The following MMEL1 variants were observed in gnomAD, a reference collection of about 807,000 sequenced individuals.
MMEL1 encodes the protein membrane metallo-endopeptidase-like 1.
In MMEL1, 98 loss-of-function variants were observed where a neutral mutation model predicts 117.1. The ratio of observed to expected loss-of-function variants is 0.84; its 90% CI spans 0.71 to 0.99. The LOEUF (loss-of-function observed/expected upper bound fraction) is 0.99, where lower values mean the gene tolerates loss of function less well. Among genes scored for constraint, MMEL1 ranks in the 50% least tolerant of loss-of-function variants. MMEL1 has a pLI of 0.00. For synonymous variants in MMEL1, 390 were observed against 415.1 expected (o/e 0.94, Z 0.74); for missense variants, 1,014 against 1,049.1 (o/e 0.97, Z 0.46).
Position 2,595,238 on chromosome 1 carries a change from G to T in MMEL1, c.1584+38C>A. The T allele has an allele frequency of 6.4e-7, 1 of 1,570,474 alleles. No individual in the cohort carries two copies. Among genetic ancestry groups the T allele is most frequent in the Non-Finnish European group, 8.8e-7 (1 of 1,142,386 alleles). On this transcript the variant is annotated intron_variant, in intron 16 of 23. Coordinates refer to ENST00000378412, the MANE Select transcript of MMEL1 (RefSeq NM_033467.4). This position sits in a 1 kb window ranked among gnomAD's most constrained non-coding sequence, Gnocchi z 4.8. Reference sequence around the variant, plus strand: ...CAGGCAATCAGGGCCCATGTCCACGGTGTGGGGGGCAGTTTAGGGCTGGGG... The same window carrying T: ...CAGGCAATCAGGGCCCATGTCCACGTTGTGGGGGGCAGTTTAGGGCTGGGG...
At chr1:2,631,291 G>A (rs1638569398) in intron 1 of MMEL1, among the ~76,000 whole-genome samples, 1 of 152,158 alleles carries the variant, frequency 6.6e-6, no homozygotes, top group Non-Finnish European at 1.5e-5. Flanking sequence ...TAATGTGGGA[G>A]CAGCGAAAGG....
chr1:2,607,055 G>A lies in MMEL1; in HGVS notation c.550C>T (p.Arg184Ter), dbSNP rs1400273287. ...ATGTCCAGCAGGGGCTGAGAGCCTC[G>A]CTTCTCTATCACACCTGAGAAGGGA... The part of the protein sequence containing the change: ...SCMNQSVIEK[R>*]GSQPLLDILE... Residue 184 changes from arginine (R) to a stop codon, truncating the protein, a stop_gained, in exon 7 of 24, where the codon CGA becomes TGA. Coordinates refer to ENST00000378412, the MANE Select transcript of MMEL1 (RefSeq NM_033467.4). LOFTEE classifies it high-confidence loss of function. 4 of 1,612,992 alleles carry A rather than the reference G, an allele frequency of 2.5e-6. No homozygotes were observed. The highest frequency in any genetic ancestry group is 2.2e-5 in the East Asian group (1 of 44,880).
Position 2,612,846 on chromosome 1 carries a change from C to A in MMEL1, c.155-642G>T, listed in dbSNP as rs958638649. On this transcript the variant is annotated intron_variant, in intron 2 of 23. Transcript: ENST00000378412. This position sits in a 1 kb window ranked among gnomAD's most constrained non-coding sequence, Gnocchi z 5.4. Reference sequence around the variant, plus strand: ...AGGGTGGGATGGAGAGAAGAGGGGACCCCAGGTCCAGAGAGGTGACAAGCC... The same window carrying A: ...AGGGTGGGATGGAGAGAAGAGGGGAACCCAGGTCCAGAGAGGTGACAAGCC... 6.6e-6 allele frequency among the ~76,000 whole-genome samples: 1 copy of A among 152,114 alleles called. No homozygotes were observed. Among genetic ancestry groups the A allele is most frequent in the African/African-American group, 2.4e-5 (1 of 41,422 alleles).
chr1:2,627,861 G>T (rs1404435538), intron 2 of MMEL1, among the ~76,000 whole-genome samples: 2 of 152,182 alleles, frequency 1.3e-5, no homozygotes, highest in African/African-American at 4.8e-5. Context: ...TGCCGCCCTG[G>T]AGGGAGGGGG....
intron 8 of MMEL1, 53 bp downstream of exon 8, chr1:2,606,195 C>T: frequency 6.9e-7 from 1 of 1,448,208 alleles, no homozygotes; most frequent in East Asian, 2.3e-5. Context: ...TGCAAGAGCC[C>T]CCAGCCAGGC....
chr1:2,598,863 C>A, intron 11 of MMEL1, 73 bp from the exon 12 acceptor site: 1 of 1,336,498 alleles, frequency 7.5e-7, no homozygotes, highest in East Asian at 2.3e-5. Flanking sequence ...ATCTAAGAAA[C>A]CCAGCCCCTG....
chr1:2,602,916 C>T (rs545155597), intron 11 of MMEL1, among the ~76,000 whole-genome samples: 3 of 152,226 alleles, frequency 2.0e-5, no homozygotes, highest in Admixed American at 6.5e-5. Flanking sequence ...GAGGTCACTC[C>T]GCTTTTCTGT....
At position 2,595,228 on chromosome 1, in the gene MMEL1, C is replaced by T. The variant is rs759731880; in HGVS notation, c.1584+48G>A. The T allele has an allele frequency of 1.3e-6, 2 of 1,536,872 alleles. No homozygotes were observed. The highest frequency in any genetic ancestry group is 4.5e-5 in the East Asian group (2 of 44,506). ...GAGGAGCCCCCAGGCAATCAGGGCCCATGTCCACGGTGTGGGGGGCAGTTT... is the reference window on the plus strand; with the variant it reads ...GAGGAGCCCCCAGGCAATCAGGGCCTATGTCCACGGTGTGGGGGGCAGTTT... On this transcript the variant is annotated intron_variant, in intron 16 of 23. Transcript: ENST00000378412. The surrounding 1 kb of genome is among the most constrained non-coding windows in gnomAD (Gnocchi z 4.8).
At chr1:2,605,702 C>T in intron 8 of MMEL1, 79 bp from the exon 9 acceptor site, 2 of 1,060,076 alleles carry the variant, frequency 1.9e-6, no homozygotes, top group South Asian at 2.6e-5. Flanking sequence ...GCAGCCGCCT[C>T]CCCACAGGAC....
At chr1:2,617,892 CA>C (rs1269502629) in intron 2 of MMEL1, among the ~76,000 whole-genome samples, 13 of 152,144 alleles carry the variant, frequency 8.5e-5, no homozygotes, top group Non-Finnish European at 1.0e-4. Flanking sequence ...TTCATAATTC[CA>C]AAAAGGGCAG....
chr1:2,596,734 TC>T, intron 13 of MMEL1, 45 bp from the exon 14 acceptor site: 1 of 1,605,388 alleles, frequency 6.2e-7, no homozygotes, highest in South Asian at 1.1e-5. Flanking sequence ...ACGTCAGCCT[TC>T]CCAGGCCTGG....
At position 2,596,626 on chromosome 1, in the gene MMEL1, TGCTGTTGACGTAGCCCACACATTCAC is replaced by T. The variant is rs745803260; in HGVS notation, c.1310_1335del (p.Arg437GlnfsTer28). 6.2e-7 allele frequency: 1 copy of T among 1,613,230 alleles called. No individual in the cohort carries two copies. ...AGGGAGCCCACGGCGTTCTCCATGT[TGCTGTTGACGTAGCCCACACATTCAC>T]GCCAGCGCACCTCCTCCACCATTGT... On this transcript the variant is annotated frameshift_variant, in exon 14 of 24. Transcript: ENST00000378412. LOFTEE classifies it high-confidence loss of function.
In MMEL1 at chr1:2,591,584, G is replaced by C. The variant is rs747193722; in HGVS notation, c.2213C>G (p.Thr738Arg). 6.2e-7 allele frequency: 1 copy of C among 1,613,078 alleles called. No homozygotes were observed. The highest frequency in any genetic ancestry group is 1.7e-5 in the Admixed American group (1 of 59,918). ...RPEFAIQSIK[T>R]DVHSPLKYRV... Reference sequence around the variant, plus strand: ...GTACTTCAGGGGACTGTGGACGTCTGTCTTGATGGATTGGATGGCGAACTC... The same window carrying C: ...GTACTTCAGGGGACTGTGGACGTCTCTCTTGATGGATTGGATGGCGAACTC... Residue 738 changes from threonine (T) to arginine (R), a missense_variant, in exon 23 of 24, where the codon ACA becomes AGA. By Grantham distance (71) the Thr-to-Arg change is moderately conservative (BLOSUM62 -1). Transcript: ENST00000378412.
chr1:2,603,532 G>A (rs1644968746), intron 11 of MMEL1, among the ~76,000 whole-genome samples: 1 of 152,136 alleles, frequency 6.6e-6, no homozygotes, highest in African/African-American at 2.4e-5. Context: ...GGTTCTGAGC[G>A]GGACTTGGGG....
intron 11 of MMEL1, among the ~76,000 whole-genome samples, chr1:2,601,196 A>G (rs1466622983): frequency 6.6e-6 from 1 of 152,248 alleles, no homozygotes; most frequent in African/African-American, 2.4e-5. Flanking sequence ...TCTATTGACT[A>G]TCAAGACATT....
At chr1:2,600,320 A>G (rs574790524) in intron 11 of MMEL1, among the ~76,000 whole-genome samples, 1 of 152,248 alleles carries the variant, frequency 6.6e-6, no homozygotes, top group South Asian at 2.1e-4. Context: ...AATGTCTACT[A>G]TTATGACATC....
chr1:2,598,886 C>G (rs1644888756), intron 11 of MMEL1, 96 bp from the exon 12 acceptor site: 1 of 1,073,786 alleles, frequency 9.3e-7, no homozygotes, highest in Non-Finnish European at 1.3e-6. Context: ...GAAGAATGTT[C>G]AAGGAATAAG....
chr1:2,611,883 G>C (rs1211814134), intron 3 of MMEL1, among the ~76,000 whole-genome samples: 2 of 152,178 alleles, frequency 1.3e-5, no homozygotes, highest in East Asian at 3.9e-4. Context: ...GTGCCAGCTG[G>C]TGGAATTGAA....
intron 14 of MMEL1, 120 bp downstream of exon 14, chr1:2,596,441 T>C: frequency 1.4e-6 from 2 of 1,402,800 alleles, no homozygotes; most frequent in Non-Finnish European, 1.9e-6. Flanking sequence ...AGCCTCCCTC[T>C]GTCTGGTGAG....
Sources: allele counts gnomAD v4.1 joint callset (sites outside exome capture counted in the v4.1 genomes callset), GRCh38; gene constraint gnomAD v4.1.1; non-coding constraint Gnocchi (gnomAD v3.1); transcripts MANE v1.5; gene names NCBI Gene and HGNC (gene_info 2026-07-23, HGNC 2026-07-21).